Variants in FAM200B observed in about 807,000 individuals in gnomAD.
FAM200B encodes zinc finger BED-type containing 11.
In FAM200B, 32 loss-of-function variants were observed where a neutral mutation model predicts 33.1. The observed-to-expected ratio is 0.97, with a 90% CI of 0.73 to 1.30. The LOEUF (loss-of-function observed/expected upper bound fraction) is 1.30, where lower values mean the gene tolerates loss of function less well. Ranked by LOEUF, FAM200B falls within the 50% of genes most tolerant of loss-of-function variation. The pLI is 0.00. For synonymous variants in FAM200B, 240 were observed against 264.8 expected, an observed-to-expected ratio of 0.91 and a Z score of 0.91; for missense variants, 741 against 754.0, an observed-to-expected ratio of 0.98 and a Z score of 0.20.
chr4:15,665,591 C>G, the FAM200B span, among the ~76,000 whole-genome samples: 1 of 152,112 alleles, frequency 6.6e-6, no homozygotes, highest in Non-Finnish European at 1.5e-5. Flanking sequence ...CACTCTTTCC[C>G]ACTCTTCTTC....
At chr4:15,660,714 A>G in the FAM200B span, among the ~76,000 whole-genome samples, 1 of 152,152 alleles carries the variant, frequency 6.6e-6, no homozygotes, top group African/African-American at 2.4e-5. Context: ...AATCTACAAC[A>G]TGTGTAAAAA....
At chr4:15,653,112 T>C in the FAM200B span, among the ~76,000 whole-genome samples, 5 of 152,198 alleles carry the variant, frequency 3.3e-5, no homozygotes, top group African/African-American at 1.2e-4. Context: ...ATGCATTTTT[T>C]TTTCCCTAAA....
At chr4:15,663,663 T>C in the FAM200B span, among the ~76,000 whole-genome samples, 2 of 152,350 alleles carry the variant, frequency 1.3e-5, no homozygotes, top group South Asian at 4.1e-4. Context: ...TGAGATTATA[T>C]AGTCAAAGAG....
At chr4:15,671,487 G>A in the FAM200B span, among the ~76,000 whole-genome samples, 1 of 151,902 alleles carries the variant, frequency 6.6e-6, no homozygotes, top group African/African-American at 2.4e-5. Flanking sequence ...TGCCCAGGCT[G>A]GTCTCAAACA....
chr4:15,648,077 A>G, the FAM200B span, among the ~76,000 whole-genome samples: 2 of 152,094 alleles, frequency 1.3e-5, no homozygotes, highest in African/African-American at 2.4e-5. Flanking sequence ...AGCTGGTCTT[A>G]AAGTCCTGGC....
chr4:15,675,572 ATTTTTTTTTTTTT>A, the FAM200B span, among the ~76,000 whole-genome samples: 1 of 96,704 alleles, frequency 1.0e-5, no homozygotes, highest in East Asian at 3.1e-4. Context: ...CAAAACTCCT[ATTTTTTTTTTTTT>A]TTTTTTTTTT....
chr4:15,661,898 G>C, the FAM200B span, among the ~76,000 whole-genome samples: 1 of 152,206 alleles, frequency 6.6e-6, no homozygotes, highest in African/African-American at 2.4e-5. Flanking sequence ...GGTGGCTGTT[G>C]AGAGGCCTCA....
chr4:15,666,682 A>T, the FAM200B span, among the ~76,000 whole-genome samples: 847 of 152,248 alleles, frequency 5.6e-3, 6 homozygotes, highest in African/African-American at 0.02. Flanking sequence ...CATCAAAAAA[A>T]TTAGCCAGGT....
the FAM200B span, among the ~76,000 whole-genome samples, chr4:15,659,419 A>G: frequency 2.1e-3 from 320 of 152,280 alleles, 2 homozygotes; most frequent in African/African-American, 7.3e-3. Context: ...TGACCTCATA[A>G]GCAAAAATTG....
rs1192677752 is a variant in FAM200B, at chr4:15,689,815, T to TAGGGTAAATCCTAGGGTAA, written c.*865_*866insGGGTAAATCCTAGGGTAAA. 1 of 166,962 alleles carries TAGGGTAAATCCTAGGGTAA rather than the reference T, an allele frequency of 6.0e-6. No homozygotes were observed. The highest frequency in any genetic ancestry group is 2.4e-5 in the African/African-American group (1 of 41,452). 10.3% of individuals were successfully genotyped at this position (166,962 alleles called of 1,614,324 possible). ...GTTACTTCCCTAAAAAAACCTTTTC[T>TAGGGTAAATCCTAGGGTAA]AACCACCCTAGGGTAAATCCTCCAT... On this transcript the variant is annotated 3_prime_UTR_variant, in exon 2 of 2. Transcript: ENST00000422728.
the FAM200B span, among the ~76,000 whole-genome samples, chr4:15,655,625 T>C: frequency 9.2e-5 from 14 of 152,284 alleles, no homozygotes; most frequent in South Asian, 2.7e-3. Context: ...TAGGGGAAAG[T>C]CGTTGCAGTG....
chr4:15,644,850 T>C, the FAM200B span: 1 of 631,420 alleles, frequency 1.6e-6, no homozygotes, highest in Non-Finnish European at 2.7e-6. Flanking sequence ...AAGAAATTCA[T>C]AAATTAACAA....
the FAM200B span, chr4:15,638,471 C>A: frequency 3.4e-6 from 5 of 1,463,196 alleles, no homozygotes; most frequent in South Asian, 6.7e-5. Context: ...AATGACCTTA[C>A]AACTAATAAA....
At position 15,686,838 on chromosome 4, in the gene FAM200B, A is replaced by G. The variant is rs1370219941; in HGVS notation, c.-140A>G. Reference sequence around the variant, plus strand: ...TACAATTACTTGCAACTAGTTGTGAAGTCTGAAATATTCGATTCAATTGCA... The same window carrying G: ...TACAATTACTTGCAACTAGTTGTGAGGTCTGAAATATTCGATTCAATTGCA... On this transcript the variant is annotated 5_prime_UTR_variant, in exon 2 of 2. Coordinates refer to ENST00000422728, the MANE Select transcript of FAM200B (RefSeq NM_001145191.2). The G allele has an allele frequency of 2.1e-6, 1 of 466,524 alleles. No homozygotes were observed. The highest frequency in any genetic ancestry group is 3.8e-6 in the Non-Finnish European group (1 of 262,052). The allele number at this position is 466,524 out of a possible 1,614,324, so 28.9% of individuals were successfully genotyped here. A position where few individuals can be genotyped will look rare whatever the true frequency, so the allele number is the denominator to read the frequency against.
the FAM200B span, among the ~76,000 whole-genome samples, chr4:15,641,863 C>T: frequency 1.3e-5 from 2 of 151,944 alleles, no homozygotes; most frequent in Non-Finnish European, 2.9e-5. Flanking sequence ...CCTGTCTCTA[C>T]TAAAAATACA....
the FAM200B span, among the ~76,000 whole-genome samples, chr4:15,648,730 T>C: frequency 6.6e-6 from 1 of 152,016 alleles, no homozygotes; most frequent in Non-Finnish European, 1.5e-5. Context: ...AATGGGGAGA[T>C]GCTGAAAAAA....
chr4:15,655,382 TGCGCCCGCCCCGTCGGCGCGC>T, the FAM200B span: 2 of 1,073,526 alleles, frequency 1.9e-6, no homozygotes, highest in East Asian at 6.6e-5. Flanking sequence ...CCCTTGCGCA[TGCGCCCGCCCCGTCGGCGCGC>T]GCGCCCGGTC....
chr4:15,685,271 A>T (rs978131000), intron 1 of FAM200B, among the ~76,000 whole-genome samples: 6 of 152,174 alleles, frequency 3.9e-5, no homozygotes. Context: ...GAAGCATGGC[A>T]CCTTACACCA....
the FAM200B span, chr4:15,640,762 A>C: frequency 3.2e-6 from 4 of 1,262,598 alleles, no homozygotes; most frequent in Non-Finnish European, 4.4e-6. Context: ...TATAAATCTA[A>C]ATCACGAAAG....
Sources: allele counts gnomAD v4.1 joint callset (sites outside exome capture counted in the v4.1 genomes callset), GRCh38; gene constraint gnomAD v4.1.1; transcripts MANE v1.5; gene names NCBI Gene and HGNC (gene_info 2026-07-23, HGNC 2026-07-21).